Variants in CYP4F22 observed in about 807,000 individuals in gnomAD.
The protein encoded by CYP4F22 is cytochrome P450 family 4 subfamily F member 22.
In CYP4F22, 37 loss-of-function variants were observed where a neutral mutation model predicts 60.4. The ratio of observed to expected loss-of-function variants is 0.61; its 90% CI spans 0.47 to 0.81. The LOEUF (loss-of-function observed/expected upper bound fraction) is 0.81, where lower values mean the gene tolerates loss of function less well. Among genes scored for constraint, CYP4F22 ranks in the 30% least tolerant of loss-of-function variants. The probability of loss-of-function intolerance (pLI) is 0.00; values close to 1 mark genes in which losing one functional copy is unlikely to be tolerated. For synonymous variants in CYP4F22, 258 were observed against 280.5 expected, an observed-to-expected ratio of 0.92 and a Z score of 0.80; for missense variants, 655 against 715.0, an observed-to-expected ratio of 0.92 and a Z score of 0.96.
intron 4 of CYP4F22, among the ~76,000 whole-genome samples, chr19:15,531,520 C>A (rs910424066): frequency 1.3e-5 from 2 of 152,204 alleles, no homozygotes; most frequent in South Asian, 2.1e-4. Flanking sequence ...TCTTCCCCTT[C>A]CACAGCTATT....
intron 7 of CYP4F22, 38 bp downstream of exon 7, chr19:15,538,031 C>T (rs1163269720): frequency 6.2e-7 from 1 of 1,613,314 alleles, no homozygotes; most frequent in Middle Eastern, 1.6e-4. Flanking sequence ...GAGCCAGCTG[C>T]TCTAGGAGCA....
In CYP4F22 at chr19:15,529,873, G is replaced by A. The variant is rs184627303; in HGVS notation, c.367+20G>A. On this transcript the variant is annotated intron_variant, in intron 4 of 13. Transcript: ENST00000269703. The stretch of plus-strand genomic sequence containing the variant: ...CCTCAGGTACGTGGGCTGGGCCTCC[G>A]ATCTATGGTTGAGTCCTCAACTCCC... 27 of 1,613,468 alleles carry A rather than the reference G, an allele frequency of 1.7e-5. No homozygotes were observed. The highest frequency in any genetic ancestry group is 4.5e-5 in the East Asian group (2 of 44,896).
At chr19:15,526,160 GTC>G (rs938766710) in intron 3 of CYP4F22, among the ~76,000 whole-genome samples, 1 of 151,686 alleles carries the variant, frequency 6.6e-6, no homozygotes, top group African/African-American at 2.4e-5. Context: ...GGGAGACCCT[GTC>G]TCTCTAAGGA....
At chr19:15,526,541 A>T (rs1599797027) in intron 3 of CYP4F22, among the ~76,000 whole-genome samples, 1 of 152,000 alleles carries the variant, frequency 6.6e-6, no homozygotes, top group African/African-American at 2.4e-5. Flanking sequence ...TCTAGGAAGT[A>T]GGTCCCATGA....
In CYP4F22 at chr19:15,516,950, C is replaced by T. The variant is rs139270717; in HGVS notation, c.-108-6743C>T. The T allele has an allele frequency of 6.6e-3, 1,268 of 191,988 alleles. 13 individuals carry two copies. The highest frequency in any genetic ancestry group is 0.028 in the African/African-American group (1,206 of 42,612). The allele number at this position is 191,988 out of a possible 1,614,324, so 11.9% of individuals were successfully genotyped here. A position where few individuals can be genotyped will look rare whatever the true frequency, so the allele number is the denominator to read the frequency against. On this transcript the variant is annotated intron_variant, in intron 1 of 13. Coordinates refer to ENST00000269703, the MANE Select transcript of CYP4F22 (RefSeq NM_173483.4). ...GTTCAAGCGATTCTCCTGCCTCAGC[C>T]TCCCAAGCAACTGGGATTACAGGCA...
At chr19:15,544,397 A>G in intron 10 of CYP4F22, 118 bp downstream of exon 10, 1 of 1,256,296 alleles carries the variant, frequency 8.0e-7, no homozygotes, top group Non-Finnish European at 1.1e-6. Context: ...AGCTTCCTGA[A>G]TTGCAATTTC....
intron 1 of CYP4F22, among the ~76,000 whole-genome samples, chr19:15,520,780 T>A (rs1971215764): frequency 6.6e-6 from 1 of 151,126 alleles, no homozygotes; most frequent in African/African-American, 2.4e-5. Flanking sequence ...TTTTGTTTTT[T>A]TTTTTTGAGA....
Position 15,548,109 on chromosome 19 carries a change from G to A in CYP4F22, c.1138G>A (p.Asp380Asn). Residue 380 changes from aspartate (D) to asparagine (N), a missense_variant and splice_region_variant, in exon 11 of 14, where the codon GAC becomes AAC. By Grantham distance (23) the Asp-to-Asn change is conservative. Around this residue, in one of 3 missense-constraint regions of CYP4F22, gnomAD observed 74 missense variants for 118.4 expected, o/e 0.62. Transcript: ENST00000269703. The stretch of plus-strand genomic sequence containing the variant: ...TAGTTATATCTCCATTCTCCCCAGG[G>A]ACGATCTGACTCAGCTGCCCTTTAC... ...KGRELEELEWDDLTQLPFTTM... is the reference protein window; with the variant it reads ...KGRELEELEWNDLTQLPFTTM... 1.2e-6 allele frequency: 2 copies of A among 1,611,960 alleles called. No individual in the cohort carries two copies. The highest frequency in any genetic ancestry group is 2.2e-5 in the South Asian group (2 of 91,026).
intron 7 of CYP4F22, among the ~76,000 whole-genome samples, 178 bp downstream of exon 7, chr19:15,538,171 A>G (rs1156761250): frequency 6.6e-6 from 1 of 152,064 alleles, no homozygotes; most frequent in African/African-American, 2.4e-5. Context: ...TTTTTAATCA[A>G]AAAAATGGGC....
intron 1 of CYP4F22, among the ~76,000 whole-genome samples, chr19:15,515,868 C>T (rs543018834): frequency 1.6e-4 from 25 of 151,952 alleles, no homozygotes; most frequent in African/African-American, 5.3e-4. Context: ...GGACTACAGG[C>T]GCCCGCCACC....
chr19:15,523,113 G>A (rs2144509481), intron 1 of CYP4F22, among the ~76,000 whole-genome samples: 1 of 151,708 alleles, frequency 6.6e-6, no homozygotes, highest in East Asian at 2.0e-4. Context: ...CCAGCACTTT[G>A]GGAGGCTGAG....
In CYP4F22 at chr19:15,525,359, T is replaced by C. The variant is rs1366849095; in HGVS notation, c.23T>C (p.Leu8Pro). 5 of 1,613,934 alleles carry C rather than the reference T, an allele frequency of 3.1e-6. No homozygotes were observed. Among genetic ancestry groups the C allele is most frequent in the African/African-American group, 1.3e-5 (1 of 75,052 alleles). The stretch of plus-strand genomic sequence containing the variant: ...AGGATGCTGCCCATCACAGACCGCC[T>C]GCTGCACCTCCTGGGGCTGGAGAAG... MLPITDR[L>P]LHLLGLEKTA... The change falls in exon 3 of 14, where the codon CTG (leucine) becomes CCG (proline). Residue 8 changes from leucine to proline, a missense_variant. By Grantham distance (98) the Leu-to-Pro change is moderately conservative. This residue lies in a region of CYP4F22 where 430 missense variants were observed against 457.1 expected (regional missense o/e 0.94). Coordinates refer to ENST00000269703, the MANE Select transcript of CYP4F22 (RefSeq NM_173483.4).
At chr19:15,517,549 C>A (rs1245017166) in intron 1 of CYP4F22, among the ~76,000 whole-genome samples, 1 of 152,232 alleles carries the variant, frequency 6.6e-6, no homozygotes, top group Non-Finnish European at 1.5e-5. Context: ...CTAGGGCTGG[C>A]ACCTTCTCTT....
At chr19:15,513,363 T>TA (rs1568352307) in intron 1 of CYP4F22, among the ~76,000 whole-genome samples, 15,788 of 80,702 alleles carry the variant, frequency 0.2, 762 homozygotes, top group Middle Eastern at 0.23. Flanking sequence ...ATATATATAT[T>TA]TTTTTTTTTT....
chr19:15,551,635 C>A lies in CYP4F22; in HGVS notation c.*164C>A. ...GAGCAGCCTGGTGGTACTGGCCACG[C>A]CCCTCAAGGCAAGGCTCCTCCCCTT... On this transcript the variant is annotated 3_prime_UTR_variant, in exon 14 of 14. Coordinates refer to ENST00000269703, the MANE Select transcript of CYP4F22 (RefSeq NM_173483.4). The A allele has an allele frequency of 1.1e-6, 1 of 886,316 alleles. No homozygotes were observed. Among genetic ancestry groups the A allele is most frequent in the Non-Finnish European group, 1.7e-6 (1 of 595,562 alleles). 54.9% of individuals were successfully genotyped at this position (886,316 alleles called of 1,614,324 possible).
At chr19:15,510,351 C>T (rs759425223) in intron 1 of CYP4F22, among the ~76,000 whole-genome samples, 13 of 152,098 alleles carry the variant, frequency 8.5e-5, no homozygotes, top group East Asian at 3.9e-4. Context: ...CAATAATGAA[C>T]GTGATGGCAG....
intron 3 of CYP4F22, 111 bp from the exon 4 acceptor site, chr19:15,529,598 T>A: frequency 6.8e-7 from 1 of 1,463,324 alleles, no homozygotes; most frequent in Non-Finnish European, 9.4e-7. Context: ...CCTGAAATCA[T>A]AATGTAGCAC....
chr19:15,550,250 G>A (rs573900942), intron 12 of CYP4F22, among the ~76,000 whole-genome samples: 39 of 152,128 alleles, frequency 2.6e-4, no homozygotes, highest in African/African-American at 7.7e-4. Flanking sequence ...CTATGATCGC[G>A]CTTCTGCACT....
chr19:15,519,750 T>C lies in CYP4F22; in HGVS notation c.-108-3943T>C, dbSNP rs1446872107. Among the ~76,000 whole-genome samples, 4 of 150,914 alleles carry C rather than the reference T, an allele frequency of 2.7e-5. No homozygotes were observed. The Admixed American group carries it at 2.7e-4, about 10-fold the overall frequency. On this transcript the variant is annotated intron_variant, in intron 1 of 13. Coordinates refer to ENST00000269703, the MANE Select transcript of CYP4F22 (RefSeq NM_173483.4). ...ACTGCAGCCAGGTGGCTCCTGGGGG[T>C]GGATGTGATGATTCATGTGACCCCT...
Sources: gnomAD v4.1 joint callset for allele counts (sites outside exome capture counted in the v4.1 genomes callset) on GRCh38, gnomAD v4.1.1 for gene constraint, gnomAD v4.1.1 regional missense constraint, MANE v1.5 for transcripts, NCBI Gene and HGNC (gene_info 2026-07-23, HGNC 2026-07-21) for gene names.